Variants in KLF12 observed in about 807,000 individuals in gnomAD.
KLF12 encodes Krueppel-like factor 12.
In KLF12, 9 loss-of-function variants were observed where a neutral mutation model predicts 37.8. That is an observed-to-expected ratio of 0.24 (90% CI 0.14 to 0.42). KLF12 has a LOEUF of 0.42. Ranked by LOEUF, KLF12 falls within the 10% of genes least tolerant of loss-of-function variation. The probability of loss-of-function intolerance (pLI) is 1.00; values close to 1 mark genes in which losing one functional copy is unlikely to be tolerated. For missense variants in KLF12, 411 were observed against 516.0 expected, an observed-to-expected ratio of 0.80 and a Z score of 1.97; for synonymous variants, 208 against 202.1, an observed-to-expected ratio of 1.03 and a Z score of -0.25.
intron 5 of KLF12, among the ~76,000 whole-genome samples, chr13:73,765,205 G>A (rs1003183366): frequency 1.3e-5 from 2 of 151,972 alleles, no homozygotes; most frequent in African/African-American, 4.8e-5. Context: ...CCACTCTCAA[G>A]ACAACAGGTC....
chr13:73,933,246 G>C (rs1374560814), intron 3 of KLF12, among the ~76,000 whole-genome samples: 1 of 152,072 alleles, frequency 6.6e-6, no homozygotes, highest in African/African-American at 2.4e-5. Context: ...TATGAATACA[G>C]GGCACCAACA....
At chr13:74,265,470 T>G in the KLF12 span, among the ~76,000 whole-genome samples, 1 of 152,204 alleles carries the variant, frequency 6.6e-6, no homozygotes, top group Non-Finnish European at 1.5e-5. Flanking sequence ...GAGTCATTAC[T>G]CTATTTCTAG....
chr13:73,909,185 C>T (rs1888456447), intron 3 of KLF12, among the ~76,000 whole-genome samples: 1 of 152,188 alleles, frequency 6.6e-6, no homozygotes, highest in Admixed American at 6.5e-5. Flanking sequence ...TTCTAACCCT[C>T]CCAGCCCAAG....
intron 1 of KLF12, among the ~76,000 whole-genome samples, chr13:74,018,966 T>TA: frequency 6.6e-6 from 1 of 152,192 alleles, no homozygotes; most frequent in Non-Finnish European, 1.5e-5. Flanking sequence ...AAACAATCGA[T>TA]ATCAGGCATG....
intron 3 of KLF12, among the ~76,000 whole-genome samples, chr13:73,892,734 A>T (rs1296767905): frequency 1.3e-5 from 2 of 152,122 alleles, no homozygotes; most frequent in African/African-American, 4.8e-5. Context: ...TTAGTAAATA[A>T]AGAAACTGAA....
At chr13:74,161,358 T>C in the KLF12 span, among the ~76,000 whole-genome samples, 2 of 151,842 alleles carry the variant, frequency 1.3e-5, no homozygotes, top group Non-Finnish European at 2.9e-5. Context: ...GAATTTAGGG[T>C]GGGCCCTAAA....
At chr13:74,226,731 C>T in the KLF12 span, among the ~76,000 whole-genome samples, 1 of 152,122 alleles carries the variant, frequency 6.6e-6, no homozygotes, top group South Asian at 2.1e-4. Flanking sequence ...GCAATTAAGC[C>T]AGAAGATTGC....
At chr13:73,918,679 G>A (rs1188781665) in intron 3 of KLF12, among the ~76,000 whole-genome samples, 1 of 152,108 alleles carries the variant, frequency 6.6e-6, no homozygotes, top group Non-Finnish European at 1.5e-5. Flanking sequence ...TAGAAAATAA[G>A]AAAGGATGCC....
intron 1 of KLF12, among the ~76,000 whole-genome samples, chr13:74,132,436 G>A (rs1274948288): frequency 6.6e-6 from 1 of 152,152 alleles, no homozygotes; most frequent in Admixed American, 6.5e-5. Context: ...ATGTTACAGG[G>A]AAACAGAGAA....
chr13:73,894,365 C>A (rs966283507), intron 3 of KLF12, among the ~76,000 whole-genome samples: 3 of 152,128 alleles, frequency 2.0e-5, no homozygotes. Flanking sequence ...AAGTAAGATA[C>A]AGAGTGTCAT....
rs142719722 is a variant in KLF12 at position 74,004,119 on chromosome 13, C to A, written c.-31-9066G>T. ...AAAAACACCAGGTTTTTTAAAGAATCCTTTCAGTTCTCTAACTTTATTCCC... is the reference window on the plus strand; with the variant it reads ...AAAAACACCAGGTTTTTTAAAGAATACTTTCAGTTCTCTAACTTTATTCCC... On this transcript the variant is annotated intron_variant, in intron 1 of 7. Transcript: ENST00000377669. 7.7e-3 allele frequency among the ~76,000 whole-genome samples: 1,177 copies of A among 152,082 alleles called. 8 individuals carry two copies. The highest frequency in any genetic ancestry group is 0.026 in the African/African-American group (1,092 of 41,486).
At chr13:73,997,746 C>T (rs552151787) in intron 1 of KLF12, among the ~76,000 whole-genome samples, 30 of 152,286 alleles carry the variant, frequency 2.0e-4, no homozygotes, top group Admixed American at 4.6e-4. Context: ...ATGCTCATGA[C>T]GCATGGTTTT....
chr13:73,982,071 T>C (rs375543470), intron 2 of KLF12, among the ~76,000 whole-genome samples: 11 of 124,510 alleles, frequency 8.8e-5, no homozygotes, highest in South Asian at 7.7e-4. Flanking sequence ...TAATAAATTA[T>C]CTCCCCTGTG....
intron 1 of KLF12, among the ~76,000 whole-genome samples, chr13:74,091,767 A>T (rs923654690): frequency 6.6e-6 from 1 of 152,176 alleles, no homozygotes; most frequent in African/African-American, 2.4e-5. Context: ...TTTGTCTAAA[A>T]GCTATGAAAA....
chr13:74,010,673 C>T (rs1006366021), intron 1 of KLF12, among the ~76,000 whole-genome samples: 24 of 152,166 alleles, frequency 1.6e-4, no homozygotes, highest in Non-Finnish European at 2.9e-4. Context: ...CAGACCTAAT[C>T]AATACTACTA....
rs1279542209 is a variant in KLF12 at position 73,875,325 on chromosome 13, C to T, written c.124-28952G>A. On this transcript the variant is annotated intron_variant, in intron 3 of 7. Transcript: ENST00000377669. ...GCTTCCTGCAAATTTATTTTCATTACGATATAGTTCTAATATTTTTGAAAA... is the reference window on the plus strand; with the variant it reads ...GCTTCCTGCAAATTTATTTTCATTATGATATAGTTCTAATATTTTTGAAAA... Among the ~76,000 whole-genome samples the T allele has an allele frequency of 4.6e-5, 7 of 152,114 alleles. No homozygotes were observed. In the East Asian group the frequency reaches 1.2e-3, roughly 25 times the overall value.
intron 2 of KLF12, among the ~76,000 whole-genome samples, chr13:73,987,722 G>T (rs1466497933): frequency 7.3e-6 from 1 of 137,246 alleles, no homozygotes; most frequent in Non-Finnish European, 1.6e-5. Flanking sequence ...AAGTGGGGGG[G>T]TAGAGGAAGT....
At chr13:74,055,602 T>G (rs1218608637) in intron 1 of KLF12, among the ~76,000 whole-genome samples, 1 of 152,188 alleles carries the variant, frequency 6.6e-6, no homozygotes, top group Non-Finnish European at 1.5e-5. Context: ...TACAAAGCTC[T>G]TCTGTTTTCA....
At chr13:74,045,893 T>C (rs1334318452) in intron 1 of KLF12, among the ~76,000 whole-genome samples, 2 of 152,356 alleles carry the variant, frequency 1.3e-5, no homozygotes, top group Admixed American at 1.3e-4. Context: ...CGCCCTGAAC[T>C]GGAATAACTG....
Sources: allele counts gnomAD v4.1 joint callset (sites outside exome capture counted in the v4.1 genomes callset), GRCh38; gene constraint gnomAD v4.1.1; transcripts MANE v1.5; gene names NCBI Gene and HGNC (gene_info 2026-07-23, HGNC 2026-07-21).